The following IQCJ variants were observed in gnomAD, a reference collection of about 807,000 sequenced individuals.
IQCJ encodes IQ domain-containing protein J.
A neutral mutation model predicts 11.0 loss-of-function variants in IQCJ; 9 were observed. The observed-to-expected ratio is 0.82, with a 90% confidence interval of 0.49 to 1.43. IQCJ has a LOEUF of 1.43. Among genes scored for constraint, IQCJ ranks in the 40% most tolerant of loss-of-function variants. IQCJ has a pLI of 0.00. For synonymous variants in IQCJ, 55 were observed against 51.3 expected (o/e 1.07, Z -0.31); for missense variants, 146 against 133.2 (o/e 1.10, Z -0.47).
chr3:159,156,922 T>C (rs969670892), intron 1 of IQCJ, among the ~76,000 whole-genome samples: 1 of 152,230 alleles, frequency 6.6e-6, no homozygotes, highest in Non-Finnish European at 1.5e-5. Context: ...GGGGGCTTAC[T>C]AGACTATTTT....
At chr3:159,092,657 C>T (rs1028022174) in intron 1 of IQCJ, among the ~76,000 whole-genome samples, 2 of 148,796 alleles carry the variant, frequency 1.3e-5, no homozygotes, top group Non-Finnish European at 2.9e-5. Context: ...GAGATTGCAC[C>T]ACTGCACTCC....
chr3:159,158,125 C>T (rs894926162), intron 1 of IQCJ, among the ~76,000 whole-genome samples: 1 of 152,126 alleles, frequency 6.6e-6, no homozygotes, highest in Non-Finnish European at 1.5e-5. Context: ...TTTATATGTG[C>T]AATTTTCTTT....
At chr3:159,144,661 G>GACACACACAC (rs10561081) in intron 1 of IQCJ, among the ~76,000 whole-genome samples, 1,938 of 150,314 alleles carry the variant, frequency 0.013, 50 homozygotes, top group African/African-American at 0.045. Flanking sequence ...TACACACACA[G>GACACACACAC]ACACACACAC....
chr3:159,211,911 T>C (rs1161228547), intron 1 of IQCJ, among the ~76,000 whole-genome samples: 14 of 151,938 alleles, frequency 9.2e-5, no homozygotes, highest in Non-Finnish European at 1.5e-5. Context: ...ATGCCAAGTA[T>C]TGGAGAAGGC....
At chr3:159,163,372 A>C (rs1016901618) in intron 1 of IQCJ, among the ~76,000 whole-genome samples, 1 of 152,202 alleles carries the variant, frequency 6.6e-6, no homozygotes, top group African/African-American at 2.4e-5. Flanking sequence ...AAAATTCAAC[A>C]ACCCTTCATG....
chr3:159,191,221 C>T (rs1318722536), intron 1 of IQCJ, among the ~76,000 whole-genome samples: 2 of 152,202 alleles, frequency 1.3e-5, no homozygotes, highest in Non-Finnish European at 2.9e-5. Context: ...TAGACGGAGG[C>T]TTCCCAGCAC....
At chr3:159,111,099 A>G (rs1352022781) in intron 1 of IQCJ, among the ~76,000 whole-genome samples, 1 of 152,322 alleles carries the variant, frequency 6.6e-6, no homozygotes, top group East Asian at 1.9e-4. Context: ...TGATGCTCCC[A>G]CGTTTTATGT....
chr3:159,152,051 G>A (rs1326308040), intron 1 of IQCJ, among the ~76,000 whole-genome samples: 6 of 152,152 alleles, frequency 3.9e-5, no homozygotes, highest in Admixed American at 6.5e-5. Flanking sequence ...ATCCATGCTC[G>A]ATTTGGTGAA....
At chr3:159,116,374 T>G (rs1718998905) in intron 1 of IQCJ, among the ~76,000 whole-genome samples, 2 of 152,112 alleles carry the variant, frequency 1.3e-5, no homozygotes, top group Non-Finnish European at 2.9e-5. Context: ...CTTTGTTCAC[T>G]TTCTCCAACA....
chr3:159,110,878 A>G (rs1718582501), intron 1 of IQCJ, among the ~76,000 whole-genome samples: 1 of 152,136 alleles, frequency 6.6e-6, no homozygotes, highest in Admixed American at 6.5e-5. Context: ...ACAAAAGCAA[A>G]CAAAACAAAA....
At chr3:159,265,400 G>A (rs1213430020), downstream of IQCJ, 2 of 1,611,864 alleles carry the variant, frequency 1.2e-6, no homozygotes, top group Non-Finnish European at 1.7e-6. Flanking sequence ...TCACCCTCCA[G>A]TGAATGGACC....
downstream of IQCJ, among the ~76,000 whole-genome samples, chr3:159,264,882 A>C (rs1728413170): frequency 6.6e-6 from 1 of 150,834 alleles, no homozygotes. Flanking sequence ...GCGCCACTGC[A>C]CTCCAGCCTG....
chr3:159,109,000 C>T (rs756059010), intron 1 of IQCJ, among the ~76,000 whole-genome samples: 2 of 152,134 alleles, frequency 1.3e-5, no homozygotes, highest in Non-Finnish European at 2.9e-5. Context: ...ACTTTAAACA[C>T]ATTATCTAAT....
intron 1 of IQCJ, among the ~76,000 whole-genome samples, chr3:159,152,344 A>G (rs761569943): frequency 1.1e-4 from 17 of 152,296 alleles, no homozygotes; most frequent in African/African-American, 3.1e-4. Context: ...ACATAAGGCC[A>G]TAGTTTCCCT....
chr3:159,086,541 A>T (rs1237930466), intron 1 of IQCJ, among the ~76,000 whole-genome samples: 1 of 152,118 alleles, frequency 6.6e-6, no homozygotes, highest in Admixed American at 6.5e-5. Flanking sequence ...GATTCTTTCT[A>T]CCCGTGAGCA....
intron 1 of IQCJ, among the ~76,000 whole-genome samples, chr3:159,228,224 T>C (rs534088110): frequency 6.6e-6 from 1 of 152,340 alleles, no homozygotes; most frequent in Non-Finnish European, 1.5e-5. Context: ...GTAGTTTTAA[T>C]AGCAGAAAGC....
At chr3:159,171,265 C>A (rs1367561564) in intron 1 of IQCJ, among the ~76,000 whole-genome samples, 1 of 152,136 alleles carries the variant, frequency 6.6e-6, no homozygotes, top group Non-Finnish European at 1.5e-5. Flanking sequence ...TATCGATGTA[C>A]TTTTCCATTT....
chr3:159,185,717 A>C (rs1307041320), intron 1 of IQCJ, among the ~76,000 whole-genome samples: 1 of 152,130 alleles, frequency 6.6e-6, no homozygotes, highest in East Asian at 1.9e-4. Context: ...TTTTAGCAAG[A>C]GGCTTCAGTT....
intron 1 of IQCJ, among the ~76,000 whole-genome samples, chr3:159,106,474 C>T (rs1476573011): frequency 1.3e-5 from 2 of 151,636 alleles, no homozygotes; most frequent in Non-Finnish European, 2.9e-5. Context: ...GAGGAGCAAC[C>T]AGCAAGAGAG....
Sources: allele counts gnomAD v4.1 joint callset (sites outside exome capture counted in the v4.1 genomes callset), GRCh38; gene constraint gnomAD v4.1.1; transcripts MANE v1.5; gene names NCBI Gene and HGNC (gene_info 2026-07-23, HGNC 2026-07-21).